SNED1: variants seen among roughly 807,000 people sequenced by gnomAD.
SNED1 encodes sushi, nidogen and EGF-like domain-containing protein 1.
Under a neutral mutation model 166.7 loss-of-function variants are expected in SNED1, and 81 were observed. That is an observed-to-expected ratio of 0.49 (90% CI 0.41 to 0.58). SNED1 has a LOEUF of 0.58. Ranked by LOEUF, SNED1 falls within the 20% of genes least tolerant of loss-of-function variation. The pLI, the probability that SNED1 is intolerant of heterozygous loss-of-function variation, is 0.00. For synonymous variants in SNED1, 762 were observed against 822.0 expected (o/e 0.93, Z 1.25); for missense variants, 1,604 against 2,000.2 (o/e 0.80, Z 3.78).
intron 1 of SNED1, among the ~76,000 whole-genome samples, chr2:241,028,516 GT>G (rs973401127): frequency 1.3e-5 from 2 of 152,194 alleles, no homozygotes; most frequent in African/African-American, 4.8e-5. Context: ...TGGATGTCCA[GT>G]TTTGCTGGCA....
At chr2:241,072,530 A>G (rs1007114768) in intron 26 of SNED1, 4 of 330,810 alleles carry the variant, frequency 1.2e-5, no homozygotes, top group Non-Finnish European at 2.3e-5. Context: ...ACTCCCCAAC[A>G]GAGCCTAGTC....
chr2:241,071,984 C>T (rs1350280582), intron 26 of SNED1, 106 bp downstream of exon 26: 4 of 998,188 alleles, frequency 4.0e-6, no homozygotes, highest in East Asian at 2.6e-5. Flanking sequence ...CCACCGCCAG[C>T]GCAGTCTCCA....
intron 11 of SNED1, among the ~76,000 whole-genome samples, chr2:241,049,473 G>A (rs1456306028): frequency 6.6e-6 from 1 of 152,234 alleles, no homozygotes; most frequent in Non-Finnish European, 1.5e-5. Context: ...ACGTTTGTTA[G>A]TGTATAGATG....
chr2:241,078,266 C>A lies in SNED1; in HGVS notation c.3917-3411C>A, dbSNP rs538573440. On this transcript the variant is annotated intron_variant, in intron 27 of 31. Transcript: ENST00000310397. ...GGCGTGGTGGCGGGCGCCTGTAGTCCCAGCTCCTCAGGAGGCTGAGGCAGG... is the reference window on the plus strand; with the variant it reads ...GGCGTGGTGGCGGGCGCCTGTAGTCACAGCTCCTCAGGAGGCTGAGGCAGG... 3.3e-5 allele frequency among the ~76,000 whole-genome samples: 5 copies of A among 151,518 alleles called. No homozygotes were observed. The South Asian group carries it at 1.0e-3, about 32-fold the overall frequency.
rs568473849 is a variant in SNED1, at chr2:241,053,358, T to A, written c.2257+32T>A. On this transcript the variant is annotated intron_variant, in intron 16 of 31. Coordinates refer to ENST00000310397, the MANE Select transcript of SNED1 (RefSeq NM_001080437.3). Reference sequence around the variant, plus strand: ...CTGTGGGCCCTTGGGGTGGGGCAGGTGGGGCCCACACCCTCCTCATCCTGG... The same window carrying A: ...CTGTGGGCCCTTGGGGTGGGGCAGGAGGGGCCCACACCCTCCTCATCCTGG... 5 of 1,534,584 alleles carry A rather than the reference T, an allele frequency of 3.3e-6. No individual in the cohort carries two copies. The African/African-American group carries it at 6.8e-5, about 21-fold the overall frequency.
rs562597857 is a variant in SNED1, at chr2:241,048,351, C to G, written c.1310C>G (p.Pro437Arg). 6.2e-7 allele frequency: 1 copy of G among 1,611,228 alleles called. No individual in the cohort carries two copies. Among genetic ancestry groups the G allele is most frequent in the South Asian group, 1.1e-5 (1 of 90,330 alleles). Residue 437 changes from proline to arginine, a missense_variant, in exon 9 of 32, where the codon CCT becomes CGT. Coordinates refer to ENST00000310397, the MANE Select transcript of SNED1 (RefSeq NM_001080437.3). ...HPVPDACLSAPCHNGGTCVDA... is the reference protein window; with the variant it reads ...HPVPDACLSARCHNGGTCVDA... ...GTGCCAGACGCCTGCCTCTCGGCCCCTTGCCACAATGGGGGCACCTGTGTG... is the reference window on the plus strand; with the variant it reads ...GTGCCAGACGCCTGCCTCTCGGCCCGTTGCCACAATGGGGGCACCTGTGTG...
intron 2 of SNED1, among the ~76,000 whole-genome samples, chr2:241,031,730 G>A (rs370452793): frequency 5.9e-5 from 9 of 152,304 alleles, no homozygotes; most frequent in African/African-American, 2.2e-4. Context: ...CCAATTCTAC[G>A]GCCCTCGCGT....
At chr2:241,079,366 C>T (rs1021107885) in intron 27 of SNED1, among the ~76,000 whole-genome samples, 11 of 150,636 alleles carry the variant, frequency 7.3e-5, no homozygotes, top group African/African-American at 1.7e-4. Flanking sequence ...GAGCCAAGAT[C>T]GCCCCACTGC....
chr2:241,065,954 TG>T (rs530201531), intron 21 of SNED1, among the ~76,000 whole-genome samples: 2 of 58,302 alleles, frequency 3.4e-5, no homozygotes, highest in African/African-American at 6.3e-5. Flanking sequence ...GGGGTGGGCT[TG>T]GGGGGGCTGG....
intron 28 of SNED1, 141 bp from the exon 29 acceptor site, chr2:241,082,136 C>A (rs2063357694): frequency 1.8e-5 from 12 of 662,874 alleles, no homozygotes; most frequent in Non-Finnish European, 3.2e-5. Flanking sequence ...GCTGCAGACC[C>A]CCGGGCCCTC....
intron 3 of SNED1, 130 bp from the exon 4 acceptor site, chr2:241,034,438 G>A (rs769128706): frequency 6.0e-6 from 5 of 833,418 alleles, no homozygotes; most frequent in Non-Finnish European, 5.5e-6. Context: ...TCCCAGGAAC[G>A]GTTGGCTGAG....
At chr2:241,009,185 T>C (rs2060310782) in intron 1 of SNED1, among the ~76,000 whole-genome samples, 1 of 152,164 alleles carries the variant, frequency 6.6e-6, no homozygotes, top group Admixed American at 6.5e-5. Flanking sequence ...AGTGGCCCAG[T>C]GGCCACTGCA....
intron 29 of SNED1, among the ~76,000 whole-genome samples, chr2:241,085,796 T>C (rs2125323351): frequency 6.6e-6 from 1 of 152,042 alleles, no homozygotes. Context: ...TAGGTGGCTT[T>C]GGAGTAGCCT....
rs371948486 is a variant in SNED1 at position 241,048,655 on chromosome 2, G to A, written c.1400-7G>A. The A allele has an allele frequency of 1.5e-5, 24 of 1,604,852 alleles. No individual in the cohort carries two copies. The African/African-American group carries it at 2.5e-4, about 17-fold the overall frequency. ...ACATGGGAGGCTCCTCCCTCTCTTC[G>A]TGGCAGGAGTCCCCGATGACTGTGA... On this transcript the variant is annotated splice_region_variant and splice_polypyrimidine_tract_variant and intron_variant, in intron 9 of 31. Transcript: ENST00000310397.
chr2:241,076,221 C>A (rs1292747622), intron 27 of SNED1, among the ~76,000 whole-genome samples: 1 of 152,150 alleles, frequency 6.6e-6, no homozygotes, highest in Non-Finnish European at 1.5e-5. Context: ...ATCCATTGAC[C>A]ATTTTTGTGA....
At chr2:241,021,524 A>G (rs2060773999) in intron 1 of SNED1, among the ~76,000 whole-genome samples, 2 of 152,172 alleles carry the variant, frequency 1.3e-5, no homozygotes, top group African/African-American at 2.4e-5. Context: ...TGGACATTTC[A>G]TACAAATAGA....
Position 241,071,724 on chromosome 2 carries a change from C to CA in SNED1, c.3734+5dup. On this transcript the variant is annotated splice_donor_region_variant and intron_variant, in intron 25 of 31. Transcript: ENST00000310397. The stretch of plus-strand genomic sequence containing the variant: ...AGACCCCCACCCAGCCCCCCAGGTA[C>CA]ATGCCCCACCCATCGGCCCCATCGC... The CA allele has an allele frequency of 1.5e-6, 2 of 1,319,756 alleles. No individual in the cohort carries two copies. Among genetic ancestry groups the CA allele is most frequent in the Non-Finnish European group, 2.1e-6 (2 of 958,646 alleles). 81.8% of individuals were successfully genotyped at this position (1,319,756 alleles called of 1,614,324 possible).
chr2:241,007,083 GA>G (rs1288208717), intron 1 of SNED1, among the ~76,000 whole-genome samples: 1 of 152,222 alleles, frequency 6.6e-6, no homozygotes, highest in Non-Finnish European at 1.5e-5. Flanking sequence ...ACATATAAAT[GA>G]GGGGGAAAAC....
chr2:241,076,811 G>A (rs2063042758), intron 27 of SNED1, among the ~76,000 whole-genome samples: 1 of 152,112 alleles, frequency 6.6e-6, no homozygotes, highest in Non-Finnish European at 1.5e-5. Context: ...AGAGTCCAGG[G>A]CCGGGCGCAG....
Sources: gnomAD v4.1 joint callset for allele counts (sites outside exome capture counted in the v4.1 genomes callset) on GRCh38, gnomAD v4.1.1 for gene constraint, MANE v1.5 for transcripts, NCBI Gene and HGNC (gene_info 2026-07-23, HGNC 2026-07-21) for gene names.